Variants in GMDS observed in about 807,000 individuals in gnomAD.
GMDS encodes the protein GDP-mannose 4,6-dehydratase, also known as GDP-mannose 4,6 dehydratase.
A neutral mutation model predicts 49.9 loss-of-function variants in GMDS; 20 were observed. That is an observed-to-expected ratio of 0.40 (90% CI 0.28 to 0.58). GMDS has a LOEUF of 0.58. Among genes scored for constraint, GMDS ranks in the 20% least tolerant of loss-of-function variants. The pLI is 0.42. For missense variants in GMDS, 362 were observed against 481.4 expected, an observed-to-expected ratio of 0.75 and a Z score of 2.32; for synonymous variants, 177 against 178.6, an observed-to-expected ratio of 0.99 and a Z score of 0.07.
rs77801994 is a variant in GMDS at position 1,964,598 on chromosome 6, A to G, written c.346-3632T>C. On this transcript the variant is annotated intron_variant, in intron 4 of 10. Transcript: ENST00000380815. ...ACATCCTTGCATAAGCACCTTAACC[A>G]TTAGAACATAGAATAAGGAAGCTGT... 4.3e-3 allele frequency among the ~76,000 whole-genome samples: 652 copies of G among 152,328 alleles called. 3 individuals are homozygous for G. The highest frequency in any genetic ancestry group is 0.015 in the African/African-American group (604 of 41,566).
chr6:2,121,654 G>A (rs193179486), intron 2 of GMDS, among the ~76,000 whole-genome samples: 8 of 152,270 alleles, frequency 5.3e-5, no homozygotes, highest in Admixed American at 4.6e-4. Context: ...GTTAGTACAC[G>A]CTATTGCTTT....
chr6:2,059,284 T>G (rs1205111109), intron 4 of GMDS, among the ~76,000 whole-genome samples: 1 of 152,002 alleles, frequency 6.6e-6, no homozygotes, highest in Admixed American at 6.6e-5. Context: ...AACTATTGTT[T>G]TTTTAATTTG....
chr6:1,713,985 C>T (rs962675777), intron 9 of GMDS, among the ~76,000 whole-genome samples: 1 of 152,182 alleles, frequency 6.6e-6, no homozygotes, highest in African/African-American at 2.4e-5. Context: ...AGACACTGTA[C>T]ACCTTATTAG....
chr6:1,991,096 C>T (rs552693239), intron 4 of GMDS, among the ~76,000 whole-genome samples: 3 of 152,244 alleles, frequency 2.0e-5, no homozygotes, highest in African/African-American at 7.2e-5. Context: ...CTCTTATTCT[C>T]CAGCAGACTA....
At chr6:2,216,929 G>A (rs774626488) in intron 1 of GMDS, among the ~76,000 whole-genome samples, 2 of 152,078 alleles carry the variant, frequency 1.3e-5, no homozygotes, top group Non-Finnish European at 2.9e-5. Context: ...CACGGAAAGG[G>A]AGCTCAGTGG....
chr6:1,839,628 C>G (rs968595146), intron 7 of GMDS, among the ~76,000 whole-genome samples: 1 of 152,230 alleles, frequency 6.6e-6, no homozygotes, highest in African/African-American at 2.4e-5. Context: ...TCTGACCACT[C>G]TAGTCTATTC....
intron 7 of GMDS, among the ~76,000 whole-genome samples, chr6:1,863,578 G>A (rs753756523): frequency 3.9e-5 from 6 of 152,076 alleles, no homozygotes; most frequent in African/African-American, 7.2e-5. Flanking sequence ...ATAGCTTTTT[G>A]TGAATAAAAG....
chr6:1,749,681 T>C (rs1767647427), intron 7 of GMDS, among the ~76,000 whole-genome samples: 1 of 152,212 alleles, frequency 6.6e-6, no homozygotes, highest in Non-Finnish European at 1.5e-5. Flanking sequence ...TGGGTATCTA[T>C]GAGGATAGTT....
At chr6:1,668,592 C>G (rs1394307033) in intron 9 of GMDS, among the ~76,000 whole-genome samples, 1 of 152,086 alleles carries the variant, frequency 6.6e-6, no homozygotes, top group Non-Finnish European at 1.5e-5. Context: ...CGCCTGTAAT[C>G]CCAGCTACTT....
At chr6:1,688,730 C>T (rs1240651448) in intron 9 of GMDS, among the ~76,000 whole-genome samples, 2 of 152,212 alleles carry the variant, frequency 1.3e-5, no homozygotes, top group Non-Finnish European at 2.9e-5. Context: ...AGATGGGATA[C>T]AGTAGCTATT....
At chr6:2,204,016 T>C (rs750254161) in intron 1 of GMDS, among the ~76,000 whole-genome samples, 1 of 152,224 alleles carries the variant, frequency 6.6e-6, no homozygotes, top group Non-Finnish European at 1.5e-5. Context: ...CAAATTTTCT[T>C]AATTTGGGTG....
At chr6:2,189,409 T>C (rs555681315) in intron 1 of GMDS, among the ~76,000 whole-genome samples, 8 of 152,276 alleles carry the variant, frequency 5.3e-5, no homozygotes, top group African/African-American at 1.9e-4. Flanking sequence ...GAGAATCTTA[T>C]ATGCGGAGGG....
intron 7 of GMDS, among the ~76,000 whole-genome samples, chr6:1,881,067 A>C (rs1275898107): frequency 6.6e-6 from 1 of 152,232 alleles, no homozygotes; most frequent in Non-Finnish European, 1.5e-5. Flanking sequence ...CGTTTCTGAG[A>C]TGAAGAGAAA....
At position 2,071,445 on chromosome 6, in the gene GMDS, T is replaced by C. The variant is rs149817053; in HGVS notation, c.345+44326A>G. Among the ~76,000 whole-genome samples the C allele has an allele frequency of 1.2e-4, 18 of 152,222 alleles. 1 individual carries two copies. The East Asian group carries it at 3.5e-3, about 29-fold the overall frequency. ...CTTTCCATGAGCCCATGTGACGTAC[T>C]AGATAATAAATTTCTTGAGAACAAA... On this transcript the variant is annotated intron_variant, in intron 4 of 10. Coordinates refer to ENST00000380815, the MANE Select transcript of GMDS (RefSeq NM_001500.4).
At chr6:1,765,445 T>G (rs922749843) in intron 7 of GMDS, among the ~76,000 whole-genome samples, 28 of 152,270 alleles carry the variant, frequency 1.8e-4, no homozygotes, top group African/African-American at 6.7e-4. Context: ...AAGAAGGCGC[T>G]AGGCAAGAGT....
chr6:1,978,186 T>TC lies in GMDS; in HGVS notation c.346-17221dup, dbSNP rs562442997. Among the ~76,000 whole-genome samples the TC allele has an allele frequency of 2.1e-4, 31 of 150,802 alleles. 1 individual carries two copies. The South Asian group carries it at 5.9e-3, about 29-fold the overall frequency. ...TCCAAAGGGTCCCAACGAGGAAGGG[T>TC]CCCCCCAGCAGTGAACCAAAGCAGC... On this transcript the variant is annotated intron_variant, in intron 4 of 10. Coordinates refer to ENST00000380815, the MANE Select transcript of GMDS (RefSeq NM_001500.4).
chr6:2,225,550 T>C (rs1277332438), intron 1 of GMDS, among the ~76,000 whole-genome samples: 1 of 152,170 alleles, frequency 6.6e-6, no homozygotes, highest in Non-Finnish European at 1.5e-5. Context: ...CCTAGGCTGT[T>C]CTATGCAAAT....
rs1300904836 is a variant in GMDS, at chr6:1,999,991, A to T, written c.346-39025T>A. Among the ~76,000 whole-genome samples the T allele has an allele frequency of 2.2e-3, 35 of 15,986 alleles. 3 individuals are homozygous for T. The highest frequency in any genetic ancestry group is 2.8e-3 in the East Asian group (2 of 708). The allele number at this position is 15,986 out of a possible 152,430, so 10.5% of individuals were successfully genotyped here. A position where few individuals can be genotyped will look rare whatever the true frequency, so the allele number is the denominator to read the frequency against. ...TATATTATATATATATTTTATATAT[A>T]TATATTATATATATATATTTTTTAT... On this transcript the variant is annotated intron_variant, in intron 4 of 10. Transcript: ENST00000380815.
At chr6:1,950,469 G>T (rs1306012313) in intron 6 of GMDS, among the ~76,000 whole-genome samples, 1 of 152,166 alleles carries the variant, frequency 6.6e-6, no homozygotes, top group Non-Finnish European at 1.5e-5. Flanking sequence ...GAATCAGTGG[G>T]TCACTGAGGT....
Sources: allele counts gnomAD v4.1 joint callset (sites outside exome capture counted in the v4.1 genomes callset), GRCh38; gene constraint gnomAD v4.1.1; transcripts MANE v1.5; gene names NCBI Gene and HGNC (gene_info 2026-07-23, HGNC 2026-07-21).